Variants in TRIM64C observed in about 807,000 individuals in gnomAD.
The protein encoded by TRIM64C is tripartite motif containing 64C.
A neutral mutation model predicts 36.1 loss-of-function variants in TRIM64C; 25 were observed. The ratio of observed to expected loss-of-function variants is 0.69; its 90% CI spans 0.51 to 0.97. The LOEUF (loss-of-function observed/expected upper bound fraction) is 0.97, where lower values mean the gene tolerates loss of function less well. Among genes scored for constraint, TRIM64C ranks in the 50% least tolerant of loss-of-function variants. The pLI, the probability that TRIM64C is intolerant of heterozygous loss-of-function variation, is 0.00. For missense variants in TRIM64C, 489 were observed against 536.8 expected (o/e 0.91, Z 0.88); for synonymous variants, 212 against 185.7 (o/e 1.14, Z -1.15).
chr11:49,054,240 C>T (rs972408337), intron 5 of TRIM64C, 33 bp from the exon 6 acceptor site: 23 of 1,536,730 alleles, frequency 1.5e-5, no homozygotes, highest in Middle Eastern at 3.4e-4. Context: ...TTAGTGAGTG[C>T]TATGAGGGAC....
chr11:49,053,885 T>G lies in TRIM64C; in HGVS notation c.1182A>C (p.Pro394=). The G allele has an allele frequency of 6.4e-7, 1 of 1,551,682 alleles. No individual in the cohort carries two copies. Among genetic ancestry groups the G allele is most frequent in the Non-Finnish European group, 8.7e-7 (1 of 1,146,848 alleles). ...GCCTTTGCACATACTGGATTAAAGG[T>G]GGAGAATTGGTGGAGAGACTATAGT... ...SNHYSLSTNS[P]PLIQYVQRPL... The change falls in exon 6 of 6, where the codon CCA becomes CCC. Residue 394 remains proline, a synonymous_variant. Coordinates refer to ENST00000617704, the MANE Select transcript of TRIM64C (RefSeq NM_001206631.1).
rs369697554 is a variant in TRIM64C at position 49,056,636 on chromosome 11, A to T, written c.739-255T>A. 7.3e-4 allele frequency among the ~76,000 whole-genome samples: 111 copies of T among 152,046 alleles called. 1 individual carries two copies. The highest frequency in any genetic ancestry group is 2.5e-3 in the African/African-American group (105 of 41,292). ...CAAAGATACCTAGGTTTCCAGTCTC[A>T]TTAATTTCCTAATCTTATTTCCAAG... On this transcript the variant is annotated intron_variant, in intron 3 of 5. Transcript: ENST00000617704.
rs1854779558 is a variant in TRIM64C, at chr11:49,053,959, T to A, written c.1108A>T (p.Ile370Phe). 6.4e-7 allele frequency: 1 copy of A among 1,551,612 alleles called. No individual in the cohort carries two copies. Among genetic ancestry groups the A allele is most frequent in the Non-Finnish European group, 8.7e-7 (1 of 1,146,858 alleles). ...GAAAAAAATGTTTTGTCAGAATCAA[T>A]AACTATATTGGTATCTGCTGTCCTA... ...DSRTADTNIV[I>F]DSDKTFFSIS... The change falls in exon 6 of 6, where the codon ATT becomes TTT. Residue 370 changes from isoleucine to phenylalanine, a missense_variant. Physicochemically the swap from Ile to Phe is conservative, Grantham distance 21 (BLOSUM62 0). Transcript: ENST00000617704.
Position 49,057,333 on chromosome 11 carries a change from T to G in TRIM64C, c.553A>C (p.Lys185Gln). The G allele has an allele frequency of 6.5e-7, 1 of 1,549,828 alleles. No individual in the cohort carries two copies. The highest frequency in any genetic ancestry group is 8.7e-7 in the Non-Finnish European group (1 of 1,146,970). ...RKVIITIQYQ[K>Q]MHIFLDEEEQ... is the part of the protein sequence containing the mutation. ...TCCTCATCGAGAAATATATGCATCT[T>G]TTGATACTGAATAGTGATTATCACC... The change falls in exon 3 of 6, where the codon AAG (lysine) becomes CAG (glutamine). Residue 185 changes from lysine (K) to glutamine (Q), a missense_variant. Transcript: ENST00000617704.
chr11:49,057,159 C>T lies in TRIM64C; in HGVS notation c.727G>A (p.Glu243Lys). The T allele has an allele frequency of 6.5e-7, 1 of 1,549,320 alleles. No homozygotes were observed. The change falls in exon 3 of 6, where the codon GAG (glutamate) becomes AAG (lysine). Residue 243 changes from glutamate to lysine, a missense_variant. Transcript: ENST00000617704. ...CCCTCCCTCCTCACCTGGAGCAGCT[C>T]CACGTCAGGCATGTGGTATGTCTCC... ...LWETYHMPDVELLQDVGNISA... is the reference protein window; with the variant it reads ...LWETYHMPDVKLLQDVGNISA...
rs1441608102 is a variant in TRIM64C, at chr11:49,059,053, G to A, written c.60C>T (p.Asn20=). Residue 20 remains asparagine (N), a synonymous_variant, in exon 1 of 6, where the codon AAC becomes AAT. Coordinates refer to ENST00000617704, the MANE Select transcript of TRIM64C (RefSeq NM_001206631.1). ...QNELICCICV[N]YFIDPVTTDC... ...CAGTGGTGACCGGGTCTATGAAGTA[G>A]TTCACGCAAATGCAGCAAATGAGCT... 1.3e-6 allele frequency: 2 copies of A among 1,552,152 alleles called. No individual in the cohort carries two copies. Among genetic ancestry groups the A allele is most frequent in the East Asian group, 2.4e-5 (1 of 41,218 alleles).
At chr11:49,057,927 G>C in intron 2 of TRIM64C, 151 bp downstream of exon 2, 2 of 582,520 alleles carry the variant, frequency 3.4e-6, no homozygotes, top group Non-Finnish European at 5.9e-6. Context: ...GGGCTTCTCT[G>C]TTTGCAATTC....
chr11:49,058,238 A>G (rs1854837098), intron 1 of TRIM64C, 66 bp from the exon 2 acceptor site: 4 of 1,115,348 alleles, frequency 3.6e-6, no homozygotes, highest in South Asian at 3.0e-5. Flanking sequence ...TATCAATAAA[A>G]AAAAGGCCGT....
intron 4 of TRIM64C, 141 bp downstream of exon 4, chr11:49,056,217 AG>A: frequency 1.5e-6 from 1 of 655,394 alleles, no homozygotes. Context: ...CAAACCAAAG[AG>A]AAGAAGATCT....
chr11:49,056,456 T>C (rs1286486855), intron 3 of TRIM64C, 75 bp from the exon 4 acceptor site: 16 of 1,239,226 alleles, frequency 1.3e-5, no homozygotes, highest in Middle Eastern at 3.7e-4. Context: ...CTCTTGTTTC[T>C]TTCTGTTTTA....
intron 3 of TRIM64C, among the ~76,000 whole-genome samples, chr11:49,056,651 T>A (rs1854817846): frequency 6.6e-6 from 1 of 151,850 alleles, no homozygotes; most frequent in South Asian, 2.1e-4. Context: ...TTTCCTAATC[T>A]TATTTCCAAG....
At position 49,055,411 on chromosome 11, in the gene TRIM64C, C is replaced by CAAAAAAAAAAAAAA; in HGVS notation, c.762-5_762-4insTTTTTTTTTTTTTT. 7.1e-7 allele frequency: 1 copy of CAAAAAAAAAAAAAA among 1,409,232 alleles called. No individual in the cohort carries two copies. The highest frequency in any genetic ancestry group is 1.4e-5 in the African/African-American group (1 of 69,188). 87.3% of individuals were successfully genotyped at this position (1,409,232 alleles called of 1,614,324 possible). A position where few individuals can be genotyped will look rare whatever the true frequency, so the allele number is the denominator to read the frequency against. On this transcript the variant is annotated splice_region_variant and splice_polypyrimidine_tract_variant and intron_variant, in intron 4 of 5. Transcript: ENST00000617704. ...TGGCATCTGTGCCAAATCAGTTCTGCAAAAAAAAAATGGCCTCAGTTATAT... is the reference window on the plus strand; with the variant it reads ...TGGCATCTGTGCCAAATCAGTTCTGCAAAAAAAAAAAAAAAAAAAAAAAATGGCCTCAGTTATAT...
rs1354092628 is a variant in TRIM64C at position 49,054,073 on chromosome 11, A to G, written c.994T>C (p.Cys332Arg). The change falls in exon 6 of 6, where the codon TGT becomes CGT. Residue 332 changes from cysteine (C) to arginine (R), a missense_variant. Transcript: ENST00000617704. ...TTGCCGGAGGTGAATGCTTGCGCAC[A>G]CCACACAGCAAAGCTCTCCACTCCT... ...PQGVESFAVW[C>R]AQAFTSGKHY... 1 of 1,551,446 alleles carries G rather than the reference A, an allele frequency of 6.4e-7. No homozygotes were observed. The highest frequency in any genetic ancestry group is 2.4e-5 in the East Asian group (1 of 40,938).
intron 4 of TRIM64C, 44 bp from the exon 5 acceptor site, chr11:49,055,451 C>A (rs772923710): frequency 6.5e-7 from 1 of 1,532,628 alleles, no homozygotes; most frequent in South Asian, 1.2e-5. Context: ...AGGACCAGAG[C>A]TAATCACACA....
chr11:49,056,279 G>A (rs923920347), intron 4 of TRIM64C, 80 bp downstream of exon 4: 22 of 1,074,606 alleles, frequency 2.0e-5, no homozygotes, highest in African/African-American at 1.6e-5. Context: ...AATGATGTTA[G>A]TACTCAAAAT....
Position 49,055,372 on chromosome 11 carries a change from A to T in TRIM64C, c.797T>A (p.Val266Glu), listed in dbSNP as rs1327574619. ...DLAQMPKPQP[V>E]NPELTSWCIT... ...GCACCATGAAGTGAGCTCTGGGTTCACTGGCTGGGGCTTTGGCATCTGTGC... is the reference window on the plus strand; with the variant it reads ...GCACCATGAAGTGAGCTCTGGGTTCTCTGGCTGGGGCTTTGGCATCTGTGC... The change falls in exon 5 of 6, where the codon GTG (valine) becomes GAG (glutamate). Residue 266 changes from valine to glutamate, a missense_variant. Transcript: ENST00000617704. 6.5e-7 allele frequency: 1 copy of T among 1,535,068 alleles called. No individual in the cohort carries two copies. Among genetic ancestry groups the T allele is most frequent in the Non-Finnish European group, 8.7e-7 (1 of 1,146,762 alleles).
In TRIM64C at chr11:49,057,302, T is replaced by G. The variant is rs1244166103; in HGVS notation, c.584A>C (p.Gln195Pro). 9.0e-6 allele frequency: 14 copies of G among 1,549,726 alleles called. No individual in the cohort carries two copies. Among genetic ancestry groups the G allele is most frequent in the Non-Finnish European group, 1.2e-5 (14 of 1,146,982 alleles). Residue 195 changes from glutamine to proline, a missense_variant, in exon 3 of 6, where the codon CAA becomes CCA. Transcript: ENST00000617704. ...TCTTTCCAGTGCCTGCAGATGCCGT[T>G]GCTCCTCCTCATCGAGAAATATATG... ...KMHIFLDEEE[Q>P]RHLQALEREA... is the part of the protein sequence containing the mutation.
chr11:49,054,695 G>C (rs1000437683), intron 5 of TRIM64C, among the ~76,000 whole-genome samples: 2 of 151,836 alleles, frequency 1.3e-5, no homozygotes, highest in African/African-American at 4.9e-5. Context: ...TACATTATCT[G>C]TTTAGCCCCT....
chr11:49,053,997 A>G lies in TRIM64C; in HGVS notation c.1070T>C (p.Val357Ala), dbSNP rs1369546564. Residue 357 changes from valine to alanine, a missense_variant, in exon 6 of 6, where the codon GTC (valine) becomes GCC (alanine). By Grantham distance (64) the Val-to-Ala change is moderately conservative. Coordinates refer to ENST00000617704, the MANE Select transcript of TRIM64C (RefSeq NM_001206631.1). ...ATCTGCTGTCCTAGAATCTCGACAG[A>G]CTCCCAGAATCCAGTTGGAGGAGTG... ...VTHSSNWILG[V>A]CRDSRTADTN... 1 of 1,551,402 alleles carries G rather than the reference A, an allele frequency of 6.4e-7. No homozygotes were observed. Among genetic ancestry groups the G allele is most frequent in the African/African-American group, 1.4e-5 (1 of 73,006 alleles).
Sources: allele counts gnomAD v4.1 joint callset (sites outside exome capture counted in the v4.1 genomes callset), GRCh38; gene constraint gnomAD v4.1.1; transcripts MANE v1.5; gene names NCBI Gene and HGNC (gene_info 2026-07-23, HGNC 2026-07-21).